Variants in SPATC1 observed in about 807,000 individuals in gnomAD.
The protein encoded by SPATC1 is spermatogenesis and centriole associated 1.
In SPATC1, 35 loss-of-function variants were observed where a neutral mutation model predicts 36.5. The ratio of observed to expected loss-of-function variants is 0.96; its 90% CI spans 0.73 to 1.27. The LOEUF (loss-of-function observed/expected upper bound fraction) is 1.27. Among genes scored for constraint, SPATC1 ranks in the 50% most tolerant of loss-of-function variants. The pLI is 0.00. For synonymous variants in SPATC1, 361 were observed against 353.6 expected, an observed-to-expected ratio of 1.02 and a Z score of -0.24; for missense variants, 779 against 796.0, an observed-to-expected ratio of 0.98 and a Z score of 0.26.
chr8:144,046,128 C>A lies in SPATC1; in HGVS notation c.1447-499C>A, dbSNP rs1350561497. Among the ~76,000 whole-genome samples, 1 of 152,086 alleles carries A rather than the reference C, an allele frequency of 6.6e-6. No homozygotes were observed. Among genetic ancestry groups the A allele is most frequent in the African/African-American group, 2.4e-5 (1 of 41,406 alleles). ...GAAAGGGAGTCCCCTAGGGGGTGTGCAGGCTAGAGGGTGCTGAGGATGGAG... is the reference window on the plus strand; with the variant it reads ...GAAAGGGAGTCCCCTAGGGGGTGTGAAGGCTAGAGGGTGCTGAGGATGGAG... On this transcript the variant is annotated intron_variant, in intron 4 of 4. Coordinates refer to ENST00000377470, the MANE Select transcript of SPATC1 (RefSeq NM_198572.3). The surrounding 1 kb of genome is among the most constrained non-coding windows in gnomAD (Gnocchi z 6.6).
chr8:144,015,049 T>A (rs1834356099), intron 1 of SPATC1, among the ~76,000 whole-genome samples: 1 of 152,114 alleles, frequency 6.6e-6, no homozygotes, highest in African/African-American at 2.4e-5. Flanking sequence ...AAAATTTTTT[T>A]TTTTTTGAGA....
At chr8:144,021,117 C>T in intron 1 of SPATC1, among the ~76,000 whole-genome samples, 1 of 142,706 alleles carries the variant, frequency 7.0e-6, no homozygotes, top group South Asian at 2.3e-4. Context: ...CCACTTTCTC[C>T]CATGAGGATT....
intron 4 of SPATC1, among the ~76,000 whole-genome samples, chr8:144,044,839 C>T (rs1475448294): frequency 6.6e-6 from 1 of 152,138 alleles, no homozygotes; most frequent in South Asian, 2.1e-4. Context: ...ATCCCAGCTA[C>T]TTGGGAGGCT....
rs933356048 is a variant in SPATC1 at position 144,017,849 on chromosome 8, T to G, written c.211+5123T>G. ...AGCCTGGGAGAAGGAAAGGCAGTTT[T>G]GGAGCAAGAAAATGAGTTGTATTTT... On this transcript the variant is annotated intron_variant, in intron 1 of 4. Transcript: ENST00000377470. Among the ~76,000 whole-genome samples the G allele has an allele frequency of 4.6e-5, 7 of 152,308 alleles. No homozygotes were observed. The East Asian group carries it at 1.3e-3, about 29-fold the overall frequency.
Position 144,027,662 on chromosome 8 carries a change from T to C in SPATC1, c.212-12247T>C, listed in dbSNP as rs914605753. On this transcript the variant is annotated intron_variant, in intron 1 of 4. Coordinates refer to ENST00000377470, the MANE Select transcript of SPATC1 (RefSeq NM_198572.3). ...GGTCTAACATCATTCTTTTGTAACA[T>C]GGATATCCAGTTATACCAGCACCAT... Among the ~76,000 whole-genome samples, 12 of 152,298 alleles carry C rather than the reference T, an allele frequency of 7.9e-5. No homozygotes were observed. The Middle Eastern group carries it at 0.014, about 173-fold the overall frequency.
intron 1 of SPATC1, among the ~76,000 whole-genome samples, chr8:144,021,094 A>C (rs1219326295): frequency 0.86 from 413 of 482 alleles, 197 homozygotes; most frequent in Non-Finnish European, 0.91. Flanking sequence ...CCAGGACCCC[A>C]TCCCCTCATA....
chr8:144,031,872 T>C (rs1834804481), intron 1 of SPATC1, among the ~76,000 whole-genome samples: 1 of 151,876 alleles, frequency 6.6e-6, no homozygotes, highest in South Asian at 2.1e-4. Flanking sequence ...GCATGTGCCA[T>C]CACATCCGGC....
intron 1 of SPATC1, among the ~76,000 whole-genome samples, chr8:144,023,404 TTCTCTGAAAACCCTCC>T (rs1834594105): frequency 1.1e-5 from 1 of 93,258 alleles, no homozygotes; most frequent in African/African-American, 3.6e-5. Context: ...GAGGACCCTC[TTCTCTGAAAACCCTCC>T]CCCCTCAGGA....
At chr8:144,032,760 C>A (rs997660071) in intron 1 of SPATC1, among the ~76,000 whole-genome samples, 4 of 152,012 alleles carry the variant, frequency 2.6e-5, no homozygotes, top group African/African-American at 7.2e-5. Context: ...CCATATTGCT[C>A]CCCCTCATGC....
At position 144,038,021 on chromosome 8, in the gene SPATC1, C is replaced by T. The variant is rs188287203; in HGVS notation, c.212-1888C>T. Among the ~76,000 whole-genome samples, 8 of 150,702 alleles carry T rather than the reference C, an allele frequency of 5.3e-5. No individual in the cohort carries two copies. In the East Asian group the frequency reaches 9.8e-4, roughly 18 times the overall value. The stretch of plus-strand genomic sequence containing the variant: ...GCGGGCGCCTGTAATCCCAGCTACG[C>T]GAGGCTGAGGCAGGAGAATGGCGTG... On this transcript the variant is annotated intron_variant, in intron 1 of 4. Coordinates refer to ENST00000377470, the MANE Select transcript of SPATC1 (RefSeq NM_198572.3).
At chr8:144,026,588 T>G (rs1395921326) in intron 1 of SPATC1, among the ~76,000 whole-genome samples, 1 of 152,202 alleles carries the variant, frequency 6.6e-6, no homozygotes, top group African/African-American at 2.4e-5. Flanking sequence ...GGGTTCCAAT[T>G]TCTCCAAATC....
chr8:144,014,575 C>T, intron 1 of SPATC1, among the ~76,000 whole-genome samples: 1 of 152,166 alleles, frequency 6.6e-6, no homozygotes, highest in East Asian at 1.9e-4. Flanking sequence ...GCCCTCTCCT[C>T]CCAGCTTTCA....
chr8:144,029,296 C>T (rs1396710291), intron 1 of SPATC1, among the ~76,000 whole-genome samples: 3 of 150,370 alleles, frequency 2.0e-5, no homozygotes, highest in African/African-American at 4.9e-5. Flanking sequence ...GGGCCAGGCG[C>T]GGTAGCTCAC....
intron 1 of SPATC1, among the ~76,000 whole-genome samples, chr8:144,015,309 A>T (rs1834362391): frequency 6.6e-6 from 1 of 151,526 alleles, no homozygotes; most frequent in Admixed American, 6.6e-5. Context: ...CCTCAGCCTC[A>T]CAAAGTGCTG....
intron 1 of SPATC1, among the ~76,000 whole-genome samples, chr8:144,037,945 C>G (rs191765417): frequency 8.7e-5 from 13 of 149,038 alleles, no homozygotes; most frequent in African/African-American, 3.0e-4. Context: ...CTGGCTAACA[C>G]GGTGAAACCC....
At chr8:144,043,556 T>A (rs1217684705) in intron 4 of SPATC1, among the ~76,000 whole-genome samples, 2 of 152,124 alleles carry the variant, frequency 1.3e-5, no homozygotes, top group Admixed American at 6.5e-5. Context: ...TTAAATTTTT[T>A]ATAGAGATGA....
chr8:144,030,345 C>CTGTGTATGTATG (rs1834769204), intron 1 of SPATC1, among the ~76,000 whole-genome samples: 1 of 148,460 alleles, frequency 6.7e-6, no homozygotes, highest in Non-Finnish European at 1.5e-5. Flanking sequence ...TGCCACATTG[C>CTGTGTATGTATG]TGTGTATGTA....
intron 3 of SPATC1, 37 bp from the exon 4 acceptor site, chr8:144,041,195 C>T: frequency 6.2e-7 from 1 of 1,610,972 alleles, no homozygotes; most frequent in Non-Finnish European, 8.5e-7. Flanking sequence ...GCTCCTCTCA[C>T]CCTCTCACCT....
At chr8:144,024,471 C>A (rs1415059028) in intron 1 of SPATC1, among the ~76,000 whole-genome samples, 12 of 141,458 alleles carry the variant, frequency 8.5e-5, no homozygotes, top group African/African-American at 3.2e-4. Context: ...CCTCAGGACC[C>A]TCTCCCCTTG....
Sources: allele counts gnomAD v4.1 joint callset (sites outside exome capture counted in the v4.1 genomes callset), GRCh38; gene constraint gnomAD v4.1.1; non-coding constraint Gnocchi (gnomAD v3.1); transcripts MANE v1.5; gene names NCBI Gene and HGNC (gene_info 2026-07-23, HGNC 2026-07-21).